Variants in TSN observed in about 807,000 individuals in gnomAD.
TSN encodes component 3 of promoter of RISC.
Under a neutral mutation model 29.4 loss-of-function variants are expected in TSN, and 5 were observed. That is an observed-to-expected ratio of 0.17 (90% CI 0.09 to 0.36). The LOEUF is 0.36. Among genes scored for constraint, TSN ranks in the 10% least tolerant of loss-of-function variants. TSN has a pLI of 1.00. For missense variants in TSN, 159 were observed against 272.8 expected (o/e 0.58, Z 2.94); for synonymous variants, 106 against 102.2 (o/e 1.04, Z -0.23).
chr2:121,765,262 C>T lies in TSN; in HGVS notation c.582C>T (p.Arg194=). Residue 194 remains arginine (R), a synonymous_variant, in exon 6 of 6, where the codon CGC becomes CGT. Transcript: ENST00000389682. ...LNLKNDSLRK[R]YDGLKYDVKK... ...TGAAAAATGACTCCCTGAGGAAGCG[C>T]TACGACGGATTGAAATATGACGTGA... 1 of 1,614,216 alleles carries T rather than the reference C, an allele frequency of 6.2e-7. No homozygotes were observed. The highest frequency in any genetic ancestry group is 8.5e-7 in the Non-Finnish European group (1 of 1,180,036).
At chr2:121,760,844 T>C (rs1310193391) in intron 3 of TSN, among the ~76,000 whole-genome samples, 1 of 151,884 alleles carries the variant, frequency 6.6e-6, no homozygotes, top group Non-Finnish European at 1.5e-5. Context: ...TCTTGTCATC[T>C]GTAATCTTCA....
At chr2:121,762,227 G>A (rs1451177004) in intron 4 of TSN, among the ~76,000 whole-genome samples, 5 of 151,318 alleles carry the variant, frequency 3.3e-5, no homozygotes, top group Non-Finnish European at 5.9e-5. Flanking sequence ...CCTGACCTCA[G>A]GTGATCCGCC....
chr2:121,757,317 T>A lies in TSN; in HGVS notation c.144T>A (p.Gly48=). ...CTCTACTGCAAGGGGTCCATCAGGG[T>A]GCTGGGTTTCAGGACAGTAAGTTCT... ...ILTLLQGVHQ[G]AGFQDIPKRC... is the part of the protein sequence containing the mutation. The change falls in exon 2 of 6, where the codon GGT becomes GGA. Residue 48 remains glycine, a synonymous_variant. Coordinates refer to ENST00000389682, the MANE Select transcript of TSN (RefSeq NM_004622.3). 1 of 1,614,030 alleles carries A rather than the reference T, an allele frequency of 6.2e-7. No individual in the cohort carries two copies. Among genetic ancestry groups the A allele is most frequent in the Non-Finnish European group, 8.5e-7 (1 of 1,179,980 alleles).
chr2:121,762,996 G>GT lies in TSN; in HGVS notation c.374-3dup, dbSNP rs1384361769. The GT allele has an allele frequency of 6.2e-7, 1 of 1,602,102 alleles. No individual in the cohort carries two copies. On this transcript the variant is annotated splice_polypyrimidine_tract_variant and intron_variant, in intron 4 of 5. Coordinates refer to ENST00000389682, the MANE Select transcript of TSN (RefSeq NM_004622.3). ...TCACAGCATGACTTTATTTTCATGT[G>GT]TTTTTTAGTTGAGCCAGATCGGGAG...
intron 1 of TSN, chr2:121,756,152 G>T (rs1037789784): frequency 4.4e-6 from 2 of 452,812 alleles, no homozygotes; most frequent in African/African-American, 4.0e-5. Context: ...TGAGCGTTTC[G>T]TGTATTTTTG....
At chr2:121,759,391 C>T (rs371508971) in intron 3 of TSN, among the ~76,000 whole-genome samples, 1 of 152,166 alleles carries the variant, frequency 6.6e-6, no homozygotes, top group African/African-American at 2.4e-5. Flanking sequence ...GGCAGATCAC[C>T]TGAGGTCAGG....
rs532754909 is a variant in TSN at position 121,759,782 on chromosome 2, G to T, written c.257+976G>T. Among the ~76,000 whole-genome samples, 4 of 152,288 alleles carry T rather than the reference G, an allele frequency of 2.6e-5. No homozygotes were observed. The South Asian group carries it at 6.2e-4, about 24-fold the overall frequency. On this transcript the variant is annotated intron_variant, in intron 3 of 5. Coordinates refer to ENST00000389682, the MANE Select transcript of TSN (RefSeq NM_004622.3). ...GCAGTAAATAGGATGAGTATTTTCA[G>T]GGGGTGGGTAGTATAACCTTATGAG...
intron 4 of TSN, among the ~76,000 whole-genome samples, chr2:121,762,201 G>A (rs1032905408): frequency 3.3e-5 from 5 of 151,622 alleles, no homozygotes; most frequent in Admixed American, 6.6e-5. Flanking sequence ...CATGTTGGTC[G>A]GGCTAGTCTT....
At position 121,765,577 on chromosome 2, in the gene TSN, A is replaced by T; in HGVS notation, c.*210A>T. The T allele has an allele frequency of 1.7e-6, 1 of 583,276 alleles. No individual in the cohort carries two copies. The highest frequency in any genetic ancestry group is 3.0e-6 in the Non-Finnish European group (1 of 328,294). The allele number at this position is 583,276 out of a possible 1,614,324, so 36.1% of individuals were successfully genotyped here. A position where few individuals can be genotyped will look rare whatever the true frequency, so the allele number is the denominator to read the frequency against. On this transcript the variant is annotated 3_prime_UTR_variant, in exon 6 of 6. Transcript: ENST00000389682. Reference sequence around the variant, plus strand: ...TGGACAGAATTTTTTTTGTTGTTTCAGTGAATATGCCTGTAATTCAGTGTA... The same window carrying T: ...TGGACAGAATTTTTTTTGTTGTTTCTGTGAATATGCCTGTAATTCAGTGTA...
At position 121,767,492 on chromosome 2, in the gene TSN, C is replaced by T. The variant is rs1026599682; in HGVS notation, c.*2125C>T. 1.2e-4 allele frequency: 18 copies of T among 152,044 alleles called. No individual in the cohort carries two copies. Among genetic ancestry groups the T allele is most frequent in the African/African-American group, 4.3e-4 (18 of 41,390 alleles). 9.4% of individuals were successfully genotyped at this position (152,044 alleles called of 1,614,324 possible). On this transcript the variant is annotated 3_prime_UTR_variant, in exon 6 of 6. Transcript: ENST00000389682. ...ATACCTTGATTGGGGAATTAAAAGT[C>T]ATTTAACTGAAGATGTTGAGAAACC...
In TSN at chr2:121,766,952, A is replaced by G. The variant is rs2074909834; in HGVS notation, c.*1585A>G. 1 of 152,182 alleles carries G rather than the reference A, an allele frequency of 6.6e-6. No individual in the cohort carries two copies. The highest frequency in any genetic ancestry group is 6.5e-5 in the Admixed American group (1 of 15,274). 9.4% of individuals were successfully genotyped at this position (152,182 alleles called of 1,614,324 possible). On this transcript the variant is annotated 3_prime_UTR_variant, in exon 6 of 6. Transcript: ENST00000389682. The stretch of plus-strand genomic sequence containing the variant: ...TTTCTTGTGACAGCTCTTTTTGTGA[A>G]GTTAGGTTCTTAAAAGTGCCCATGA...
rs781682125 is a variant in TSN at position 121,755,852 on chromosome 2, C to T, written c.66+7C>T. The T allele has an allele frequency of 6.2e-7, 1 of 1,613,990 alleles. No individual in the cohort carries two copies. Among genetic ancestry groups the T allele is most frequent in the Admixed American group, 1.7e-5 (1 of 60,018 alleles). ...CGAGCAGGACATCCGAGAGGCGAGC[C>T]CCCTCCCTTCCCCATTCCCTTTGCC... On this transcript the variant is annotated splice_region_variant and intron_variant, in intron 1 of 5. Transcript: ENST00000389682.
rs1573393077 is a variant in TSN, at chr2:121,765,139, G to A, written c.459G>A (p.Arg153=). 6.2e-7 allele frequency: 1 copy of A among 1,614,088 alleles called. No individual in the cohort carries two copies. Among genetic ancestry groups the A allele is most frequent in the Non-Finnish European group, 8.5e-7 (1 of 1,179,990 alleles). The part of the protein sequence containing the change: ...GVLILASELS[R]LSVNSVTAGD... ...TTTTCTCTTTCCTGGTACAGTCGAG[G>A]CTGTCTGTCAACAGCGTGACTGCTG... The change falls in exon 6 of 6, where the codon AGG becomes AGA. Residue 153 remains arginine, a synonymous_variant. Coordinates refer to ENST00000389682, the MANE Select transcript of TSN (RefSeq NM_004622.3).
Position 121,767,826 on chromosome 2 carries a change from G to C in TSN, c.*2459G>C, listed in dbSNP as rs2106459579. ...CATAATTGTGTACTCGGAAATTAAA[G>C]TTTGCTTGTTTCTTGGTCTGGATTA... is the stretch of plus-strand genomic sequence containing the variant. On this transcript the variant is annotated 3_prime_UTR_variant, in exon 6 of 6. Coordinates refer to ENST00000389682, the MANE Select transcript of TSN (RefSeq NM_004622.3). 6.6e-6 allele frequency: 1 copy of C among 152,192 alleles called. No homozygotes were observed. Among genetic ancestry groups the C allele is most frequent in the Admixed American group, 6.5e-5 (1 of 15,274 alleles). 9.4% of individuals were successfully genotyped at this position (152,192 alleles called of 1,614,324 possible).
At position 121,766,330 on chromosome 2, in the gene TSN, G is replaced by C. The variant is rs1467927026; in HGVS notation, c.*963G>C. Reference sequence around the variant, plus strand: ...GAATTATAAATAAGTCAGGCCGGGCGTGGTGGCTCACACCTGTAATCCCAG... The same window carrying C: ...GAATTATAAATAAGTCAGGCCGGGCCTGGTGGCTCACACCTGTAATCCCAG... On this transcript the variant is annotated 3_prime_UTR_variant, in exon 6 of 6. Coordinates refer to ENST00000389682, the MANE Select transcript of TSN (RefSeq NM_004622.3). 1 of 152,220 alleles carries C rather than the reference G, an allele frequency of 6.6e-6. No homozygotes were observed. Among genetic ancestry groups the C allele is most frequent in the East Asian group, 1.9e-4 (1 of 5,198 alleles). 9.4% of individuals were successfully genotyped at this position (152,220 alleles called of 1,614,324 possible). A position where few individuals can be genotyped will look rare whatever the true frequency, so the allele number is the denominator to read the frequency against.
chr2:121,761,128 C>T (rs111514107), intron 3 of TSN, among the ~76,000 whole-genome samples: 3,559 of 152,286 alleles, frequency 0.023, 149 homozygotes, highest in African/African-American at 0.081. Context: ...GCCTCTGCTT[C>T]TCAAAGTGCT....
intron 4 of TSN, among the ~76,000 whole-genome samples, chr2:121,762,211 T>TG (rs1403168345): frequency 3.3e-5 from 5 of 151,884 alleles, no homozygotes; most frequent in Admixed American, 2.0e-4. Context: ...GGGCTAGTCT[T>TG]GAACTCCTGA....
chr2:121,761,455 G>A lies in TSN; in HGVS notation c.304G>A (p.Ala102Thr), dbSNP rs1311494752. The A allele has an allele frequency of 6.2e-7, 1 of 1,614,116 alleles. No individual in the cohort carries two copies. The highest frequency in any genetic ancestry group is 8.5e-7 in the Non-Finnish European group (1 of 1,180,014). The change falls in exon 4 of 6, where the codon GCA becomes ACA. Residue 102 changes from alanine (A) to threonine (T), a missense_variant. Physicochemically the swap from Ala to Thr is moderately conservative, Grantham distance 58. Coordinates refer to ENST00000389682, the MANE Select transcript of TSN (RefSeq NM_004622.3). ...RFVLQRLVFL[A>T]AFVVYLETET... ...TGTGTTGCAGCGCTTGGTCTTCTTG[G>A]CAGCATTTGTTGTGTATTTGGAAAC... is the stretch of plus-strand genomic sequence containing the variant.
intron 1 of TSN, chr2:121,756,084 C>CAAA (rs2074742893): frequency 1.2e-6 from 1 of 814,176 alleles, no homozygotes. Context: ...TGTCAGTTTT[C>CAAA]CTTCTTTTCA....
Sources: allele counts gnomAD v4.1 joint callset (sites outside exome capture counted in the v4.1 genomes callset), GRCh38; gene constraint gnomAD v4.1.1; transcripts MANE v1.5; gene names NCBI Gene and HGNC (gene_info 2026-07-23, HGNC 2026-07-21).